The following PRKG1 variants were observed in gnomAD, a reference collection of about 807,000 sequenced individuals.
PRKG1 encodes protein kinase cGMP-dependent 1.
Under a neutral mutation model 88.1 loss-of-function variants are expected in PRKG1, and 35 were observed. The ratio of observed to expected loss-of-function variants is 0.40; its 90% confidence interval spans 0.30 to 0.53. The LOEUF is 0.53. Ranked by LOEUF, PRKG1 falls within the 20% of genes least tolerant of loss-of-function variation. The probability of loss-of-function intolerance (pLI) is 0.59; values close to 1 mark genes in which losing one functional copy is unlikely to be tolerated. For synonymous variants in PRKG1, 303 were observed against 292.5 expected (o/e 1.04, Z -0.37); for missense variants, 540 against 839.8 (o/e 0.64, Z 4.41).
chr10:51,007,685 C>A (rs942107129), intron 1 of PRKG1, among the ~76,000 whole-genome samples: 1 of 152,148 alleles, frequency 6.6e-6, no homozygotes, highest in African/African-American at 2.4e-5. Flanking sequence ...CTGAAACTAA[C>A]GTTATGCAAA....
rs182061709 is a variant in PRKG1 at position 52,009,558 on chromosome 10, G to A, written c.763-44926G>A. 1.2e-4 allele frequency among the ~76,000 whole-genome samples: 18 copies of A among 152,146 alleles called. No homozygotes were observed. In the East Asian group the frequency reaches 3.3e-3, roughly 28 times the overall value. On this transcript the variant is annotated intron_variant, in intron 5 of 17. Transcript: ENST00000373980. ...CAAATGGAAAAACATTTCATGCCTA[G>A]GGATAGGAAGAATAACATCATTAAA... is the stretch of plus-strand genomic sequence containing the variant.
At chr10:51,768,721 G>A (rs191772535) in intron 3 of PRKG1, among the ~76,000 whole-genome samples, 15 of 152,206 alleles carry the variant, frequency 9.9e-5, no homozygotes, top group African/African-American at 3.4e-4. Flanking sequence ...TGGGGGCTGA[G>A]GACATAAAAG....
intron 2 of PRKG1, among the ~76,000 whole-genome samples, chr10:51,270,888 AT>A (rs1297405012): frequency 1.3e-5 from 2 of 152,192 alleles, no homozygotes; most frequent in Non-Finnish European, 2.9e-5. Flanking sequence ...GTGATAGTTT[AT>A]TGATCCAATT....
At position 51,193,968 on chromosome 10, in the gene PRKG1, A is replaced by G. The variant is rs1160925634; in HGVS notation, c.478+40638A>G. On this transcript the variant is annotated intron_variant, in intron 2 of 17. Coordinates refer to ENST00000373980, the MANE Select transcript of PRKG1 (RefSeq NM_006258.4). ...AGACTCTTGCTGGGGCAGGTCAGGA[A>G]CACTGTCTTTGTAAATTGTTCAGAA... is the stretch of plus-strand genomic sequence containing the variant. Among the ~76,000 whole-genome samples, 4 of 152,164 alleles carry G rather than the reference A, an allele frequency of 2.6e-5. No individual in the cohort carries two copies. The East Asian group carries it at 5.8e-4, about 22-fold the overall frequency.
At chr10:51,022,471 T>C (rs116978247) in intron 1 of PRKG1, among the ~76,000 whole-genome samples, 1,959 of 152,286 alleles carry the variant, frequency 0.013, 30 homozygotes, top group Middle Eastern at 0.037. Context: ...TGTCTTTTAT[T>C]TTGTTGCCTC....
chr10:52,132,955 T>C (rs1290542286), intron 7 of PRKG1, among the ~76,000 whole-genome samples: 2 of 152,088 alleles, frequency 1.3e-5, no homozygotes, highest in Non-Finnish European at 2.9e-5. Context: ...TTACAAATAA[T>C]TCAATTACAT....
intron 2 of PRKG1, among the ~76,000 whole-genome samples, chr10:51,230,011 A>T (rs1156327239): frequency 1.3e-5 from 2 of 152,018 alleles, no homozygotes; most frequent in East Asian, 3.8e-4. Context: ...AATATTCCTA[A>T]TTTTAACTAA....
At chr10:51,786,522 C>T (rs1341271470) in intron 3 of PRKG1, among the ~76,000 whole-genome samples, 2 of 152,084 alleles carry the variant, frequency 1.3e-5, no homozygotes, top group Non-Finnish European at 2.9e-5. Flanking sequence ...GGGAACTCTT[C>T]CCTCACCACT....
intron 8 of PRKG1, among the ~76,000 whole-genome samples, chr10:52,135,097 C>A (rs1312479848): frequency 6.6e-6 from 1 of 151,778 alleles, no homozygotes; most frequent in East Asian, 1.9e-4. Flanking sequence ...ACAAAAATAA[C>A]CATGATACAA....
intron 1 of PRKG1, among the ~76,000 whole-genome samples, chr10:51,076,132 TG>T (rs1440330697): frequency 1.3e-5 from 2 of 152,210 alleles, no homozygotes; most frequent in Non-Finnish European, 2.9e-5. Context: ...AATCACAGCA[TG>T]TACCAATTAC....
chr10:51,687,466 A>G (rs990710716), intron 3 of PRKG1, among the ~76,000 whole-genome samples: 2 of 152,204 alleles, frequency 1.3e-5, no homozygotes, highest in African/African-American at 4.8e-5. Flanking sequence ...GACAGCTTCA[A>G]AATTTCTTCT....
chr10:50,993,703 G>A (rs1842805152), intron 1 of PRKG1, among the ~76,000 whole-genome samples: 1 of 152,250 alleles, frequency 6.6e-6, no homozygotes, highest in South Asian at 2.1e-4. Flanking sequence ...TTGCAGCAGG[G>A]AGGAGATTTC....
chr10:51,964,635 A>G (rs76153012), intron 5 of PRKG1, among the ~76,000 whole-genome samples: 3,052 of 152,336 alleles, frequency 0.02, 40 homozygotes, highest in Non-Finnish European at 0.027. Flanking sequence ...GAATATACTA[A>G]CAATAAAAAT....
At chr10:51,893,964 A>G (rs1206407277) in intron 4 of PRKG1, among the ~76,000 whole-genome samples, 3 of 152,206 alleles carry the variant, frequency 2.0e-5, no homozygotes, top group Admixed American at 6.6e-5. Flanking sequence ...GATGGTTACA[A>G]TACAAGTGTA....
At chr10:51,992,085 T>TAA (rs1189304400) in intron 5 of PRKG1, among the ~76,000 whole-genome samples, 1 of 152,220 alleles carries the variant, frequency 6.6e-6, no homozygotes, top group Non-Finnish European at 1.5e-5. Context: ...AAATTCTATC[T>TAA]GTTTTAATTT....
chr10:51,605,599 C>T (rs1277643801), intron 3 of PRKG1, among the ~76,000 whole-genome samples: 2 of 152,202 alleles, frequency 1.3e-5, no homozygotes, highest in Non-Finnish European at 2.9e-5. Flanking sequence ...ATATACTGCT[C>T]TGGGTACAAG....
At chr10:51,556,442 T>C (rs1837312899) in intron 3 of PRKG1, among the ~76,000 whole-genome samples, 1 of 151,962 alleles carries the variant, frequency 6.6e-6, no homozygotes, top group Non-Finnish European at 1.5e-5. Flanking sequence ...CTCAAAGTAT[T>C]CCTAGGCACT....
At chr10:51,565,625 G>C (rs946854904) in intron 3 of PRKG1, among the ~76,000 whole-genome samples, 1 of 152,044 alleles carries the variant, frequency 6.6e-6, no homozygotes, top group African/African-American at 2.4e-5. Context: ...ACTTGAACTA[G>C]AGTATATCCA....
intron 3 of PRKG1, among the ~76,000 whole-genome samples, chr10:51,764,108 A>G (rs1229688154): frequency 6.6e-6 from 1 of 152,170 alleles, no homozygotes; most frequent in Non-Finnish European, 1.5e-5. Flanking sequence ...CATTCCAACC[A>G]CTGCATTATT....
Sources: allele counts gnomAD v4.1 joint callset (sites outside exome capture counted in the v4.1 genomes callset), GRCh38; gene constraint gnomAD v4.1.1; transcripts MANE v1.5; gene names NCBI Gene and HGNC (gene_info 2026-07-23, HGNC 2026-07-21).